Variants in NPAS3 observed in about 807,000 individuals in gnomAD.
The protein encoded by NPAS3 is neuronal PAS domain-containing protein 3.
In NPAS3, 14 loss-of-function variants were observed where a neutral mutation model predicts 73.1. The observed-to-expected ratio is 0.19, with a 90% confidence interval of 0.13 to 0.30. The LOEUF is 0.30. NPAS3 is among the 10% of genes least tolerant of loss of function. The probability of loss-of-function intolerance (pLI) is 1.00; values close to 1 mark genes in which losing one functional copy is unlikely to be tolerated. For synonymous variants in NPAS3, 620 were observed against 541.5 expected, an observed-to-expected ratio of 1.14 and a Z score of -2.01; for missense variants, 1,096 against 1,250.0, an observed-to-expected ratio of 0.88 and a Z score of 1.86.
At chr14:32,943,186 T>A (rs1030906793) in intron 1 of NPAS3, among the ~76,000 whole-genome samples, 5 of 151,954 alleles carry the variant, frequency 3.3e-5, no homozygotes, top group South Asian at 2.1e-4. Flanking sequence ...TTTTTTTTTT[T>A]AAAGTTACAT....
chr14:33,595,747 T>A (rs928339005), intron 5 of NPAS3, among the ~76,000 whole-genome samples: 1 of 152,158 alleles, frequency 6.6e-6, no homozygotes, highest in Non-Finnish European at 1.5e-5. Flanking sequence ...CTCGGCTCAC[T>A]GCAAGATCCG....
chr14:33,510,408 C>G (rs999583169), intron 4 of NPAS3, among the ~76,000 whole-genome samples: 3 of 152,008 alleles, frequency 2.0e-5, no homozygotes, highest in African/African-American at 7.2e-5. Flanking sequence ...CAAAAGTTCC[C>G]TCCTTCTTCC....
intron 3 of NPAS3, among the ~76,000 whole-genome samples, chr14:33,273,455 C>A (rs1479539885): frequency 1.3e-5 from 2 of 152,192 alleles, no homozygotes; most frequent in East Asian, 1.9e-4. Context: ...ATTTCAGAGG[C>A]CCCATTTTCT....
intron 4 of NPAS3, among the ~76,000 whole-genome samples, chr14:33,445,021 T>C (rs985601865): frequency 6.6e-6 from 1 of 152,246 alleles, no homozygotes; most frequent in South Asian, 2.1e-4. Flanking sequence ...ACCAAAATAT[T>C]CTCCATTGTG....
intron 3 of NPAS3, among the ~76,000 whole-genome samples, chr14:33,258,162 C>T (rs61972693): frequency 0.12 from 18,915 of 152,058 alleles, 1,570 homozygotes; most frequent in Non-Finnish European, 0.2. Flanking sequence ...TTTGGCAGGC[C>T]GAGGTGGGCA....
chr14:33,223,031 C>T (rs182088374), intron 3 of NPAS3, among the ~76,000 whole-genome samples: 1 of 152,122 alleles, frequency 6.6e-6, no homozygotes, highest in Admixed American at 6.6e-5. Flanking sequence ...GCAGAGGAGG[C>T]GCAGGTTAAA....
intron 1 of NPAS3, among the ~76,000 whole-genome samples, chr14:32,942,484 G>A (rs766453732): frequency 6.6e-5 from 10 of 152,180 alleles, no homozygotes; most frequent in Non-Finnish European, 1.2e-4. Context: ...GAAAGAACAA[G>A]TTGAAAACCT....
chr14:33,760,907 AT>A, intron 7 of NPAS3, among the ~76,000 whole-genome samples: 1 of 152,292 alleles, frequency 6.6e-6, no homozygotes, highest in South Asian at 2.1e-4. Context: ...ATTATGATAG[AT>A]TTGGAGAATC....
intron 2 of NPAS3, among the ~76,000 whole-genome samples, chr14:33,180,718 GA>G (rs1370920371): frequency 1.4e-5 from 2 of 139,892 alleles, no homozygotes; most frequent in Non-Finnish European, 3.0e-5. Flanking sequence ...AGAATGGCAT[GA>G]ACCCTGGAGG....
chr14:33,369,509 A>G (rs969694409), intron 4 of NPAS3, among the ~76,000 whole-genome samples: 1 of 151,790 alleles, frequency 6.6e-6, no homozygotes, highest in Non-Finnish European at 1.5e-5. Flanking sequence ...CATTATGTCC[A>G]TACAAGAAAA....
intron 6 of NPAS3, among the ~76,000 whole-genome samples, chr14:33,723,856 T>C (rs6571611): frequency 0.34 from 51,853 of 152,084 alleles, 10,443 homozygotes; most frequent in Non-Finnish European, 0.47. Flanking sequence ...TGTGTACCCC[T>C]CAGCTCAAGG....
At chr14:33,543,278 G>A (rs930193023) in intron 4 of NPAS3, among the ~76,000 whole-genome samples, 2 of 152,182 alleles carry the variant, frequency 1.3e-5, no homozygotes, top group South Asian at 4.2e-4. Context: ...AGGGGACAGT[G>A]GAAATAATCC....
intron 9 of NPAS3, chr14:33,780,711 T>C (rs1288942164): frequency 2.3e-5 from 10 of 431,622 alleles, no homozygotes; most frequent in African/African-American, 4.1e-5. Context: ...CCAACAAATA[T>C]GTTTGATGCC....
chr14:33,096,322 T>C (rs1193605114), intron 2 of NPAS3, among the ~76,000 whole-genome samples: 3 of 152,180 alleles, frequency 2.0e-5, no homozygotes, highest in Non-Finnish European at 4.4e-5. Context: ...AAGTACTTCA[T>C]GGCCAATTCT....
At chr14:33,095,656 G>GTTTTTTTTTT (rs2042381309) in intron 2 of NPAS3, among the ~76,000 whole-genome samples, 1 of 112,040 alleles carries the variant, frequency 8.9e-6, no homozygotes, top group Non-Finnish European at 1.8e-5. Flanking sequence ...GGCATTCTCT[G>GTTTTTTTTTT]CTTTTATTTT....
Position 33,331,341 on chromosome 14 carries a change from A to G in NPAS3, c.386-35845A>G, listed in dbSNP as rs74042043. 5.1e-3 allele frequency among the ~76,000 whole-genome samples: 783 copies of G among 152,254 alleles called. 7 individuals carry two copies. The highest frequency in any genetic ancestry group is 0.018 in the African/African-American group (753 of 41,558). ...TTCTTTTTTATTTAAATCATTTTGGAAAGAATTTTTTGTGTGGAAGATAAT... is the reference window on the plus strand; with the variant it reads ...TTCTTTTTTATTTAAATCATTTTGGGAAGAATTTTTTGTGTGGAAGATAAT... On this transcript the variant is annotated intron_variant, in intron 3 of 11. Transcript: ENST00000356141.
intron 1 of NPAS3, among the ~76,000 whole-genome samples, chr14:32,949,902 C>T (rs1240173741): frequency 6.6e-6 from 1 of 151,774 alleles, no homozygotes; most frequent in African/African-American, 2.4e-5. Flanking sequence ...GCATAGATGT[C>T]TTACATTCTA....
chr14:33,245,384 C>A (rs1278408784), intron 3 of NPAS3, among the ~76,000 whole-genome samples: 1 of 152,122 alleles, frequency 6.6e-6, no homozygotes, highest in Non-Finnish European at 1.5e-5. Flanking sequence ...ACAATTCAAA[C>A]CCAGATAATC....
At chr14:33,445,562 C>G (rs547578434) in intron 4 of NPAS3, among the ~76,000 whole-genome samples, 10 of 152,220 alleles carry the variant, frequency 6.6e-5, no homozygotes, top group Admixed American at 5.2e-4. Context: ...TTTCCAATAA[C>G]AAAAAATATG....
Sources: gnomAD v4.1 joint callset for allele counts (sites outside exome capture counted in the v4.1 genomes callset) on GRCh38, gnomAD v4.1.1 for gene constraint, MANE v1.5 for transcripts, NCBI Gene and HGNC (gene_info 2026-07-23, HGNC 2026-07-21) for gene names.